The following LUZP1 variants were observed in gnomAD, a reference collection of about 807,000 sequenced individuals.
LUZP1 encodes the protein filamin mechanobinding actin cross-linking protein.
In LUZP1, 25 loss-of-function variants were observed where a neutral mutation model predicts 71.3. The ratio of observed to expected loss-of-function variants is 0.35; its 90% confidence interval spans 0.26 to 0.49. LUZP1 has a LOEUF of 0.49. Among genes scored for constraint, LUZP1 ranks in the 20% least tolerant of loss-of-function variants. LUZP1 has a pLI of 0.99. For synonymous variants in LUZP1, 481 were observed against 506.4 expected, an observed-to-expected ratio of 0.95 and a Z score of 0.67; for missense variants, 1,142 against 1,300.8, an observed-to-expected ratio of 0.88 and a Z score of 1.88.
chr1:23,090,905 A>G (rs1361246976), intron 4 of LUZP1: 1 of 718,178 alleles, frequency 1.4e-6, no homozygotes, highest in Non-Finnish European at 2.6e-6. Context: ...TGCTCTGGCA[A>G]ACCAAGGGAA....
intron 2 of LUZP1, among the ~76,000 whole-genome samples, chr1:23,147,450 A>G (rs1644352612): frequency 6.6e-6 from 1 of 151,266 alleles, no homozygotes; most frequent in East Asian, 1.9e-4. Flanking sequence ...TCAAAAAAAA[A>G]AAAAAGAAAA....
At chr1:23,136,596 G>A (rs548899325) in intron 2 of LUZP1, among the ~76,000 whole-genome samples, 5 of 151,826 alleles carry the variant, frequency 3.3e-5, no homozygotes, top group East Asian at 2.0e-4. Flanking sequence ...CTCTCTGGCC[G>A]CGACAATGAC....
intron 2 of LUZP1, among the ~76,000 whole-genome samples, chr1:23,162,437 C>CTTT (rs1557694230): frequency 1.3e-5 from 2 of 149,908 alleles, no homozygotes; most frequent in African/African-American, 5.0e-5. Flanking sequence ...ACGTAATATA[C>CTTT]TTTTATTTTT....
intron 1 of LUZP1, among the ~76,000 whole-genome samples, chr1:23,170,038 T>A (rs1644540974): frequency 1.3e-5 from 2 of 152,112 alleles, no homozygotes; most frequent in African/African-American, 4.8e-5. Context: ...CCCACTGCTT[T>A]CCCACATTTG....
chr1:23,168,519 G>A (rs375742394), intron 2 of LUZP1, among the ~76,000 whole-genome samples: 1 of 145,290 alleles, frequency 6.9e-6, no homozygotes, highest in African/African-American at 2.6e-5. Context: ...TCTCCTCAGA[G>A]TCTCTTCCTC....
intron 3 of LUZP1, among the ~76,000 whole-genome samples, chr1:23,098,475 T>C (rs1010408495): frequency 1.3e-5 from 2 of 151,862 alleles, no homozygotes; most frequent in African/African-American, 2.4e-5. Context: ...TAGGGAGAAG[T>C]AGAGAACAAG....
chr1:23,111,998 G>A (rs1644038498), intron 2 of LUZP1, among the ~76,000 whole-genome samples: 1 of 152,146 alleles, frequency 6.6e-6, no homozygotes, highest in African/African-American at 2.4e-5. Flanking sequence ...CAAATTTGCT[G>A]ACATGTTACT....
intron 2 of LUZP1, among the ~76,000 whole-genome samples, chr1:23,120,406 G>A (rs566624917): frequency 1.8e-4 from 27 of 151,832 alleles, no homozygotes; most frequent in African/African-American, 6.3e-4. Context: ...CTGTCACCCA[G>A]GCAGGAGTGC....
chr1:23,099,777 A>G (rs190917322), intron 3 of LUZP1, among the ~76,000 whole-genome samples: 52 of 152,348 alleles, frequency 3.4e-4, no homozygotes, highest in Admixed American at 3.3e-3. Flanking sequence ...CTTACTGGAA[A>G]CATACAGAGA....
chr1:23,154,589 C>T (rs1343031901), intron 2 of LUZP1, among the ~76,000 whole-genome samples: 1 of 151,846 alleles, frequency 6.6e-6, no homozygotes. Flanking sequence ...GTCGCCCAGG[C>T]TGGAGTGCAG....
Position 23,094,667 on chromosome 1 carries a change from T to C in LUZP1, c.-119-287A>G, listed in dbSNP as rs1643883441. Among the ~76,000 whole-genome samples the C allele has an allele frequency of 6.6e-6, 1 of 152,196 alleles. No individual in the cohort carries two copies. The highest frequency in any genetic ancestry group is 1.5e-5 in the Non-Finnish European group (1 of 68,040). On this transcript the variant is annotated intron_variant, in intron 3 of 4. Coordinates refer to ENST00000302291, the Ensembl canonical transcript of LUZP1. This position sits in a 1 kb window ranked among gnomAD's most constrained non-coding sequence, Gnocchi z 4.7. ...TCATGGCAGGGTATAATAACATCAT[T>C]ACCATCTGCAACCTGCATAATCTCA... is the stretch of plus-strand genomic sequence containing the variant.
At chr1:23,149,626 AAGTG>A (rs1000773696) in intron 2 of LUZP1, among the ~76,000 whole-genome samples, 1 of 152,286 alleles carries the variant, frequency 6.6e-6, no homozygotes, top group South Asian at 2.1e-4. Flanking sequence ...AAGTCTTAAA[AAGTG>A]AGTGAGTGTA....
chr1:23,092,707 C>G lies in LUZP1; in HGVS notation c.1555G>C (p.Val519Leu), dbSNP rs541053379. The change falls in exon 4 of 5, where the codon GTT becomes CTT. Residue 519 changes from valine to leucine, a missense_variant. Val to Leu is a conservative substitution (Grantham distance 32, BLOSUM62 1). Transcript: ENST00000302291. Reference sequence around the variant, plus strand: ...GCTCTACCCAATGGGTCACTGGGAACAGATCCATGGGTGGTGTCACTAAAC... The same window carrying G: ...GCTCTACCCAATGGGTCACTGGGAAGAGATCCATGGGTGGTGTCACTAAAC... The G allele has an allele frequency of 6.8e-6, 11 of 1,614,104 alleles. No individual in the cohort carries two copies. The South Asian group carries it at 1.2e-4, about 18-fold the overall frequency.
At chr1:23,132,923 T>C (rs1297196670) in intron 2 of LUZP1, among the ~76,000 whole-genome samples, 2 of 152,166 alleles carry the variant, frequency 1.3e-5, no homozygotes, top group African/African-American at 4.8e-5. Context: ...CTTTTACATA[T>C]AATTAGACCA....
At chr1:23,134,132 G>A (rs1644235685) in intron 2 of LUZP1, among the ~76,000 whole-genome samples, 1 of 152,116 alleles carries the variant, frequency 6.6e-6, no homozygotes, top group Non-Finnish European at 1.5e-5. Flanking sequence ...CCACAAACCT[G>A]AAAATAGTAT....
intron 2 of LUZP1, among the ~76,000 whole-genome samples, chr1:23,159,915 G>T (rs1644451342): frequency 6.6e-6 from 1 of 152,192 alleles, no homozygotes; most frequent in Non-Finnish European, 1.5e-5. Flanking sequence ...GAACCCAAGA[G>T]GTGGAGGTTG....
chr1:23,093,704 C>T lies in LUZP1; in HGVS notation c.558G>A (p.Leu186=). The T allele has an allele frequency of 6.2e-7, 1 of 1,613,650 alleles. No homozygotes were observed. Among genetic ancestry groups the T allele is most frequent in the Non-Finnish European group, 8.5e-7 (1 of 1,180,002 alleles). Residue 186 remains leucine (L), a synonymous_variant, in exon 4 of 5, where the codon CTG becomes CTA. Transcript: ENST00000302291. This position sits in a 1 kb window ranked among gnomAD's most constrained non-coding sequence, Gnocchi z 4.2. ...TTACAAAGCTCAGAGTTAATGATTT[C>T]AGCTTTTCTAACTCTGACGCTAAAC...
Position 23,093,954 on chromosome 1 carries a change from G to C in LUZP1, c.308C>G (p.Thr103Ser). The change falls in exon 4 of 5, where the codon ACC becomes AGC. Residue 103 changes from threonine to serine, a missense_variant. Thr to Ser is a moderately conservative substitution (Grantham distance 58, BLOSUM62 1). Coordinates refer to ENST00000302291, the Ensembl canonical transcript of LUZP1. The surrounding 1 kb of genome is among the most constrained non-coding windows in gnomAD (Gnocchi z 4.2). ...CTCAATCTCAGATTTCAGCTCCCGGGTGAGGTTTTCTTCCTCTTCAAGTTT... is the reference window on the plus strand; with the variant it reads ...CTCAATCTCAGATTTCAGCTCCCGGCTGAGGTTTTCTTCCTCTTCAAGTTT... 6.2e-7 allele frequency: 1 copy of C among 1,614,170 alleles called. No homozygotes were observed. The highest frequency in any genetic ancestry group is 1.7e-5 in the Admixed American group (1 of 60,002).
At chr1:23,134,820 C>T (rs989662258) in intron 2 of LUZP1, among the ~76,000 whole-genome samples, 3 of 149,132 alleles carry the variant, frequency 2.0e-5, no homozygotes, top group Non-Finnish European at 4.5e-5. Context: ...AGTTGCCATG[C>T]TTTTTTTTTT....
Sources: allele counts gnomAD v4.1 joint callset (sites outside exome capture counted in the v4.1 genomes callset), GRCh38; gene constraint gnomAD v4.1.1; non-coding constraint Gnocchi (gnomAD v3.1); transcripts MANE v1.5; gene names NCBI Gene and HGNC (gene_info 2026-07-23, HGNC 2026-07-21).